TENM4: variants seen among roughly 807,000 people sequenced by gnomAD.
TENM4 encodes teneurin transmembrane protein 4, also known as teneurin-4.
In TENM4, 82 loss-of-function variants were observed where a neutral mutation model predicts 243.3. The ratio of observed to expected loss-of-function variants is 0.34; its 90% CI spans 0.28 to 0.40. The LOEUF (loss-of-function observed/expected upper bound fraction) is 0.40. Ranked by LOEUF, TENM4 falls within the 10% of genes least tolerant of loss-of-function variation. The pLI, the probability that TENM4 is intolerant of heterozygous loss-of-function variation, is 1.00. For synonymous variants in TENM4, 1,412 were observed against 1,456.3 expected (o/e 0.97, Z 0.69); for missense variants, 3,138 against 3,673.3 (o/e 0.85, Z 3.77).
chr11:79,423,305 C>T (rs1328707685), intron 1 of TENM4, among the ~76,000 whole-genome samples: 4 of 151,916 alleles, frequency 2.6e-5, no homozygotes, highest in Middle Eastern at 3.2e-3. Flanking sequence ...CCACCCCCGC[C>T]ATTGTACAGA....
rs551500523 is a variant in TENM4 at position 79,428,553 on chromosome 11, C to A, written c.-321+11956G>T. On this transcript the variant is annotated intron_variant, in intron 1 of 33. Coordinates refer to ENST00000278550, the MANE Select transcript of TENM4 (RefSeq NM_001098816.3). ...GGTTGTGCATGAATGGTTAATGGGG[C>A]ACAGCCCAGAAGTGAACAGAAAAGA... Among the ~76,000 whole-genome samples, 3 of 152,312 alleles carry A rather than the reference C, an allele frequency of 2.0e-5. No homozygotes were observed. In the South Asian group the frequency reaches 6.2e-4, roughly 32 times the overall value.
At chr11:78,817,619 A>C (rs549447079) in intron 12 of TENM4, among the ~76,000 whole-genome samples, 1 of 152,240 alleles carries the variant, frequency 6.6e-6, no homozygotes, top group Admixed American at 6.5e-5. Flanking sequence ...TTCACTTTGA[A>C]TATTCTTTTA....
chr11:78,913,467 G>A (rs373624398), intron 6 of TENM4, among the ~76,000 whole-genome samples: 4 of 152,262 alleles, frequency 2.6e-5, no homozygotes, highest in South Asian at 4.1e-4. Flanking sequence ...TGGCTGTCAA[G>A]TGAGTTTTCC....
intron 10 of TENM4, 130 bp downstream of exon 10, chr11:78,862,832 T>G: frequency 1.0e-6 from 1 of 983,586 alleles, no homozygotes; most frequent in Non-Finnish European, 1.4e-6. Flanking sequence ...GCGTGGAGTG[T>G]GGAAGGATGG....
At chr11:78,927,112 G>A (rs984364992) in intron 6 of TENM4, among the ~76,000 whole-genome samples, 1 of 152,148 alleles carries the variant, frequency 6.6e-6, no homozygotes, top group Non-Finnish European at 1.5e-5. Context: ...TCCTTCACAT[G>A]GATTATTTTG....
chr11:79,052,982 T>C (rs1157611962), intron 6 of TENM4, among the ~76,000 whole-genome samples: 1 of 152,248 alleles, frequency 6.6e-6, no homozygotes, highest in East Asian at 1.9e-4. Context: ...CATCTTTCTT[T>C]GTTTCATGTT....
At chr11:78,806,904 T>C (rs575108305) in intron 14 of TENM4, among the ~76,000 whole-genome samples, 30 of 152,360 alleles carry the variant, frequency 2.0e-4, no homozygotes, top group Admixed American at 1.3e-3. Context: ...TCTATCTCTA[T>C]GAATTTGACT....
intron 2 of TENM4, among the ~76,000 whole-genome samples, chr11:79,274,998 C>A (rs986465386): frequency 1.3e-5 from 2 of 152,162 alleles, no homozygotes; most frequent in African/African-American, 2.4e-5. Flanking sequence ...ACCACTTTAT[C>A]CAGAACATCT....
At chr11:78,661,883 AT>A (rs1858040021) in intron 32 of TENM4, among the ~76,000 whole-genome samples, 2 of 152,210 alleles carry the variant, frequency 1.3e-5, no homozygotes, top group Admixed American at 1.3e-4. Context: ...CTCTAGCTTC[AT>A]ACCCGGGGCA....
intron 3 of TENM4, among the ~76,000 whole-genome samples, chr11:79,197,891 G>A (rs1863662322): frequency 6.6e-6 from 1 of 152,026 alleles, no homozygotes; most frequent in African/African-American, 2.4e-5. Flanking sequence ...TGCTCCCGGT[G>A]GAAGGAAAGG....
chr11:79,413,004 A>T (rs546026539), intron 1 of TENM4, among the ~76,000 whole-genome samples: 1 of 152,358 alleles, frequency 6.6e-6, no homozygotes, highest in South Asian at 2.1e-4. Context: ...CATGGTGGGT[A>T]CCTTTGTGAA....
At chr11:78,856,252 G>T in intron 10 of TENM4, 74 bp from the exon 11 acceptor site, 1 of 1,297,068 alleles carries the variant, frequency 7.7e-7, no homozygotes. Context: ...CAGGGCATCT[G>T]AACACCCGGG....
chr11:79,283,476 T>C (rs752644922), intron 2 of TENM4, among the ~76,000 whole-genome samples: 5 of 152,132 alleles, frequency 3.3e-5, no homozygotes, highest in Non-Finnish European at 7.4e-5. Context: ...CACGATTATG[T>C]CATTAGACAT....
chr11:79,217,748 A>G (rs1286862168), intron 2 of TENM4, among the ~76,000 whole-genome samples: 1 of 147,776 alleles, frequency 6.8e-6, no homozygotes, highest in East Asian at 2.0e-4. Context: ...TGAGATGAGG[A>G]TTTTGCTCTT....
chr11:79,237,143 A>G (rs182294536), intron 2 of TENM4, among the ~76,000 whole-genome samples: 206 of 152,244 alleles, frequency 1.4e-3, no homozygotes, highest in African/African-American at 4.7e-3. Context: ...CTGAGCCAAC[A>G]CCCGTCTGTC....
chr11:79,433,226 C>G (rs1859204490), intron 1 of TENM4, among the ~76,000 whole-genome samples: 1 of 152,054 alleles, frequency 6.6e-6, no homozygotes, highest in South Asian at 2.1e-4. Flanking sequence ...GACAATGGAC[C>G]AGGAGCATGG....
chr11:79,168,691 C>T (rs1862973774), intron 3 of TENM4, among the ~76,000 whole-genome samples: 1 of 152,180 alleles, frequency 6.6e-6, no homozygotes, highest in Admixed American at 6.5e-5. Context: ...CTTATATCCA[C>T]ACCCCTTTGC....
intron 6 of TENM4, among the ~76,000 whole-genome samples, chr11:79,038,955 C>T (rs10793354): frequency 0.64 from 97,887 of 152,058 alleles, 33,512 homozygotes; most frequent in Non-Finnish European, 0.79. Flanking sequence ...CCAAAGACCA[C>T]CAGGATTACA....
intron 6 of TENM4, among the ~76,000 whole-genome samples, chr11:78,925,499 T>C (rs1465163941): frequency 6.6e-6 from 1 of 152,132 alleles, no homozygotes; most frequent in Non-Finnish European, 1.5e-5. Flanking sequence ...GCAGGAGAGC[T>C]GGAGTCTGTT....
Sources: gnomAD v4.1 joint callset for allele counts (sites outside exome capture counted in the v4.1 genomes callset) on GRCh38, gnomAD v4.1.1 for gene constraint, MANE v1.5 for transcripts, NCBI Gene and HGNC (gene_info 2026-07-23, HGNC 2026-07-21) for gene names.